The following HOMER2 variants were observed in gnomAD, a reference collection of about 807,000 sequenced individuals.
HOMER2 encodes the protein homer scaffold protein 2.
A neutral mutation model predicts 47.0 loss-of-function variants in HOMER2; 27 were observed. The ratio of observed to expected loss-of-function variants is 0.57; its 90% CI spans 0.42 to 0.79. The LOEUF is 0.79. HOMER2 is among the 30% of genes least tolerant of loss of function. HOMER2 has a pLI of 0.00. For synonymous variants in HOMER2, 161 were observed against 163.8 expected (o/e 0.98, Z 0.13); for missense variants, 443 against 435.0 (o/e 1.02, Z -0.16).
intron 1 of HOMER2, among the ~76,000 whole-genome samples, chr15:82,937,898 CTG>C (rs2151210967): frequency 6.6e-6 from 1 of 152,342 alleles, no homozygotes; most frequent in South Asian, 2.1e-4. Context: ...CCAGTGGCCA[CTG>C]GCAGCTTTAC....
At chr15:82,920,566 TCAAAGCCTG>T (rs1445122878) in intron 1 of HOMER2, among the ~76,000 whole-genome samples, 2 of 152,190 alleles carry the variant, frequency 1.3e-5, no homozygotes, top group African/African-American at 4.8e-5. Flanking sequence ...TCCTCCATCT[TCAAAGCCTG>T]CAGCAAAGCA....
intron 4 of HOMER2, among the ~76,000 whole-genome samples, chr15:82,863,198 C>T (rs1016412540): frequency 6.6e-6 from 1 of 151,922 alleles, no homozygotes; most frequent in Non-Finnish European, 1.5e-5. Context: ...ACCCCCTCCC[C>T]GGGCTTCCCT....
At chr15:82,904,768 T>C (rs1329852797) in intron 1 of HOMER2, among the ~76,000 whole-genome samples, 1 of 152,174 alleles carries the variant, frequency 6.6e-6, no homozygotes, top group Non-Finnish European at 1.5e-5. Context: ...GTCACAGGGC[T>C]ATGGAATGCT....
Position 82,864,209 on chromosome 15 carries a change from G to C in HOMER2, c.345C>G (p.Asp115Glu). The change falls in exon 4 of 9, where the codon GAC becomes GAG. Residue 115 changes from aspartate (D) to glutamate (E), a missense_variant. Physicochemically the swap from Asp to Glu is conservative, Grantham distance 45 (BLOSUM62 2). Coordinates refer to ENST00000450735, the MANE Select transcript of HOMER2 (RefSeq NM_004839.4). ...EVKEAAKIAK[D>E]KTQEKIETSS... ...AGGTCTCGATTTTCTCCTGCGTCTT[G>C]TCTTTGGCTATCTTGGCAGCTTCTT... 2 of 1,612,090 alleles carry C rather than the reference G, an allele frequency of 1.2e-6. No individual in the cohort carries two copies. Among genetic ancestry groups the C allele is most frequent in the South Asian group, 2.2e-5 (2 of 90,822 alleles).
At chr15:82,960,991 C>A (rs2054626414) in intron 1 of HOMER2, among the ~76,000 whole-genome samples, 1 of 152,236 alleles carries the variant, frequency 6.6e-6, no homozygotes, top group Non-Finnish European at 1.5e-5. Flanking sequence ...GCTTCTGCTC[C>A]AAGGTCCACC....
intron 2 of HOMER2, among the ~76,000 whole-genome samples, chr15:82,881,947 A>C (rs1310404378): frequency 1.3e-5 from 2 of 152,260 alleles, no homozygotes; most frequent in Admixed American, 6.5e-5. Flanking sequence ...GCAGTTTCTC[A>C]TAAGGATGGC....
At chr15:82,928,480 A>G (rs1056765514) in intron 1 of HOMER2, among the ~76,000 whole-genome samples, 3 of 152,228 alleles carry the variant, frequency 2.0e-5, no homozygotes, top group African/African-American at 7.2e-5. Context: ...TTTTGGTTAG[A>G]AAACAAAAGC....
At chr15:82,840,370 G>C (rs1286253366) in exon 2 of HOMER2, 1 of 152,090 alleles carries the variant, frequency 6.6e-6, no homozygotes, top group Non-Finnish European at 1.5e-5. Context: ...AAAAGGGAAA[G>C]CACACGCAAC....
At chr15:82,967,586 A>T (rs2054686079) in intron 1 of HOMER2, among the ~76,000 whole-genome samples, 1 of 152,184 alleles carries the variant, frequency 6.6e-6, no homozygotes, top group Non-Finnish European at 1.5e-5. Context: ...TAAAAACTCC[A>T]CAAAGCAGGC....
In HOMER2 at chr15:82,849,798, T is replaced by G. The variant is rs2051329522; in HGVS notation, c.949A>C (p.Ser317Arg). The change falls in exon 9 of 9, where the codon AGC becomes CGC. Residue 317 changes from serine (S) to arginine (R), a missense_variant. Transcript: ENST00000450735. ...RQRHLKVELK[S>R]FLEVLDGKID... is the part of the protein sequence containing the mutation. ...TTCCCGTCCAGCACCTCCAGGAAGC[T>G]CTTCAACTCCACCTTCAGGTGGCGC... The G allele has an allele frequency of 6.2e-7, 1 of 1,613,938 alleles. No individual in the cohort carries two copies. The highest frequency in any genetic ancestry group is 8.5e-7 in the Non-Finnish European group (1 of 1,179,864).
chr15:82,897,085 T>TTTTTTTG (rs2052953970), intron 1 of HOMER2, among the ~76,000 whole-genome samples: 1 of 149,456 alleles, frequency 6.7e-6, no homozygotes, highest in Non-Finnish European at 1.5e-5. Context: ...TTTTTTTTTT[T>TTTTTTTG]AGATGAAGTC....
chr15:82,929,737 G>GCT (rs1555429424), intron 1 of HOMER2, among the ~76,000 whole-genome samples: 1 of 145,544 alleles, frequency 6.9e-6, no homozygotes, highest in African/African-American at 2.5e-5. Context: ...CAGTTTTGTT[G>GCT]TTTTTTTTTT....
downstream of HOMER2, among the ~76,000 whole-genome samples, chr15:82,836,630 AAGG>A (rs1397152438): frequency 6.6e-6 from 1 of 152,198 alleles, no homozygotes; most frequent in Non-Finnish European, 1.5e-5. Flanking sequence ...GTCTGGTACA[AAGG>A]AGGACTGGCA....
chr15:82,983,709 C>T (rs1053136619), intron 1 of HOMER2, among the ~76,000 whole-genome samples: 5 of 152,156 alleles, frequency 3.3e-5, no homozygotes, highest in African/African-American at 1.2e-4. Context: ...CCTGCCTCAG[C>T]TTCCCGAGTA....
intron 1 of HOMER2, among the ~76,000 whole-genome samples, chr15:82,970,005 C>T (rs1446712428): frequency 2.6e-5 from 4 of 152,112 alleles, no homozygotes; most frequent in East Asian, 1.9e-4. Context: ...TATCTGATGG[C>T]GGTGAAAGAG....
chr15:82,953,972 A>G (rs1427547436), upstream of HOMER2, among the ~76,000 whole-genome samples: 2 of 152,034 alleles, frequency 1.3e-5, no homozygotes, highest in Admixed American at 1.3e-4. Context: ...GCTACTCGGG[A>G]GGCTTGATGC....
At chr15:82,945,554 G>A (rs910462060) in intron 1 of HOMER2, among the ~76,000 whole-genome samples, 3 of 152,074 alleles carry the variant, frequency 2.0e-5, no homozygotes, top group African/African-American at 7.2e-5. Flanking sequence ...TAAGACGTGG[G>A]ATGACAAGTA....
intron 1 of HOMER2, among the ~76,000 whole-genome samples, chr15:82,972,622 C>T (rs2030035499): frequency 6.6e-6 from 1 of 151,882 alleles, no homozygotes; most frequent in Non-Finnish European, 1.5e-5. Context: ...GTGGAGGTTG[C>T]AGTGAGCTGA....
At chr15:82,969,906 A>G (rs2029926065) in intron 1 of HOMER2, among the ~76,000 whole-genome samples, 1 of 152,242 alleles carries the variant, frequency 6.6e-6, no homozygotes, top group Admixed American at 6.5e-5. Context: ...TGTATCCTCA[A>G]CAACTACAGA....
Sources: allele counts gnomAD v4.1 joint callset (sites outside exome capture counted in the v4.1 genomes callset), GRCh38; gene constraint gnomAD v4.1.1; transcripts MANE v1.5; gene names NCBI Gene and HGNC (gene_info 2026-07-23, HGNC 2026-07-21).